ADCY7: variants seen among roughly 807,000 people sequenced by gnomAD.
ADCY7 encodes the protein adenylate cyclase 7.
Under a neutral mutation model 120.6 loss-of-function variants are expected in ADCY7, and 72 were observed. The observed-to-expected ratio is 0.60, with a 90% CI of 0.49 to 0.73. The LOEUF (loss-of-function observed/expected upper bound fraction) is 0.73, where lower values mean the gene tolerates loss of function less well. Among genes scored for constraint, ADCY7 ranks in the 30% least tolerant of loss-of-function variants. The pLI is 0.00. For synonymous variants in ADCY7, 661 were observed against 628.0 expected, an observed-to-expected ratio of 1.05 and a Z score of -0.78; for missense variants, 1,227 against 1,486.0, an observed-to-expected ratio of 0.83 and a Z score of 2.87.
In ADCY7 at chr16:50,308,316, C is replaced by G; in HGVS notation, c.1851-11C>G. Reference sequence around the variant, plus strand: ...CCCTAGGCAGAACTGAGGTTCTTCCCTCCTCTCCAGGACGGCGGCACTGGG... The same window carrying G: ...CCCTAGGCAGAACTGAGGTTCTTCCGTCCTCTCCAGGACGGCGGCACTGGG... On this transcript the variant is annotated splice_polypyrimidine_tract_variant and intron_variant, in intron 15 of 25. Coordinates refer to ENST00000673801, the MANE Select transcript of ADCY7 (RefSeq NM_001114.5). 6.2e-7 allele frequency: 1 copy of G among 1,614,182 alleles called. No homozygotes were observed. The highest frequency in any genetic ancestry group is 8.5e-7 in the Non-Finnish European group (1 of 1,180,036).
intron 11 of ADCY7, 129 bp downstream of exon 11, chr16:50,304,680 C>G: frequency 1.8e-6 from 2 of 1,086,244 alleles, no homozygotes; most frequent in Non-Finnish European, 2.7e-6. Context: ...CAGCCTCTGC[C>G]CCACCTCCTG....
intron 1 of ADCY7, among the ~76,000 whole-genome samples, chr16:50,256,930 AATGG>A (rs1331902990): frequency 1.3e-5 from 2 of 152,194 alleles, no homozygotes; most frequent in African/African-American, 2.4e-5. Context: ...AGTGTCCATT[AATGG>A]ATGAAGAAAA....
At chr16:50,306,323 G>C (rs2036064158) in intron 14 of ADCY7, among the ~76,000 whole-genome samples, 1 of 152,048 alleles carries the variant, frequency 6.6e-6, no homozygotes, top group Admixed American at 6.5e-5. Context: ...CGTCACAACG[G>C]CCAGCCCAGG....
At chr16:50,310,354 G>C in intron 18 of ADCY7, 1 of 1,031,042 alleles carries the variant, frequency 9.7e-7, no homozygotes, top group Non-Finnish European at 1.4e-6. Context: ...GAGCAGGGCA[G>C]AGGTCCTTTG....
At chr16:50,262,488 G>A (rs995070500), upstream of ADCY7, among the ~76,000 whole-genome samples, 17 of 152,096 alleles carry the variant, frequency 1.1e-4, no homozygotes, top group Admixed American at 2.6e-4. Flanking sequence ...CCTCAAGCCC[G>A]GCTAATTTTT....
At chr16:50,283,212 C>T (rs1381935980) in intron 1 of ADCY7, among the ~76,000 whole-genome samples, 1 of 152,216 alleles carries the variant, frequency 6.6e-6, no homozygotes, top group Non-Finnish European at 1.5e-5. Context: ...GAAGCTCAAA[C>T]TGGCTGAAGC....
intron 2 of ADCY7, among the ~76,000 whole-genome samples, chr16:50,288,979 A>C (rs1020700124): frequency 6.6e-6 from 1 of 152,052 alleles, no homozygotes; most frequent in Non-Finnish European, 1.5e-5. Flanking sequence ...ACTTTAATTC[A>C]GTTTTGAAGT....
intron 1 of ADCY7, among the ~76,000 whole-genome samples, chr16:50,257,705 T>C (rs911292356): frequency 1.6e-4 from 24 of 151,306 alleles, no homozygotes; most frequent in African/African-American, 5.8e-4. Flanking sequence ...GTTTTGTAAA[T>C]GTCATATATA....
intron 3 of ADCY7, 92 bp downstream of exon 3, chr16:50,290,752 C>CGCTT: frequency 7.2e-7 from 1 of 1,389,592 alleles, no homozygotes; most frequent in Non-Finnish European, 9.8e-7. Flanking sequence ...TCGTGCCCCA[C>CGCTT]GCTTGGCTGT....
At chr16:50,291,669 G>T in intron 3 of ADCY7, 67 bp from the exon 4 acceptor site, 4 of 1,598,488 alleles carry the variant, frequency 2.5e-6, no homozygotes, top group Non-Finnish European at 3.4e-6. Flanking sequence ...TGTGGTGCAG[G>T]GTTCCGGGGG....
chr16:50,310,135 G>T (rs77527108), intron 18 of ADCY7, among the ~76,000 whole-genome samples: 2,389 of 152,332 alleles, frequency 0.016, 56 homozygotes, highest in African/African-American at 0.053. Flanking sequence ...AAGGCAGAAA[G>T]GTTCTGGGAC....
intron 1 of ADCY7, among the ~76,000 whole-genome samples, chr16:50,248,099 C>T (rs1430881946): frequency 2.0e-5 from 3 of 152,328 alleles, no homozygotes; most frequent in South Asian, 2.1e-4. Context: ...GGGCTGTTCT[C>T]ATGTGTTCTT....
At chr16:50,305,615 C>A (rs55683248) in intron 13 of ADCY7, 29 bp downstream of exon 13, 8 of 1,571,612 alleles carry the variant, frequency 5.1e-6, no homozygotes, top group Middle Eastern at 1.7e-4. Context: ...GTCCACCCCC[C>A]TCTCCTCTCC....
chr16:50,297,174 G>C lies in ADCY7; in HGVS notation c.949-1730G>C, dbSNP rs377206258. Among the ~76,000 whole-genome samples, 1 of 152,362 alleles carries C rather than the reference G, an allele frequency of 6.6e-6. No individual in the cohort carries two copies. The highest frequency in any genetic ancestry group is 1.9e-4 in the East Asian group (1 of 5,184). On this transcript the variant is annotated intron_variant, in intron 7 of 25. Transcript: ENST00000673801. The surrounding 1 kb of genome is among the most constrained non-coding windows in gnomAD (Gnocchi z 4.4). The stretch of plus-strand genomic sequence containing the variant: ...CCCAGTCAGAGCATCTAATCTCTGG[G>C]CAGAGTTGGGCAGGGCTGGTCCCAG...
intron 16 of ADCY7, 74 bp downstream of exon 16, chr16:50,308,485 G>GGTA: frequency 6.2e-7 from 1 of 1,600,154 alleles, no homozygotes; most frequent in South Asian, 1.1e-5. Flanking sequence ...CCTCCCTGGT[G>GGTA]AGCTTGGCTG....
At chr16:50,290,725 G>A (rs1198546648) in intron 3 of ADCY7, 65 bp downstream of exon 3, 1 of 1,548,252 alleles carries the variant, frequency 6.5e-7, no homozygotes, top group African/African-American at 1.4e-5. Context: ...GTGGTTGGTG[G>A]GCATGCCACA....
At chr16:50,248,041 T>C (rs1429741422) in intron 1 of ADCY7, among the ~76,000 whole-genome samples, 1 of 152,114 alleles carries the variant, frequency 6.6e-6, no homozygotes, top group African/African-American at 2.4e-5. Context: ...CCAGTCCCAT[T>C]TGCAGATGAG....
At chr16:50,267,245 T>C (rs911829437) in intron 1 of ADCY7, among the ~76,000 whole-genome samples, 1 of 152,244 alleles carries the variant, frequency 6.6e-6, no homozygotes, top group African/African-American at 2.4e-5. Flanking sequence ...GCATGGGCCA[T>C]CTGGAGTGGG....
At chr16:50,281,439 T>G (rs887536719) in intron 1 of ADCY7, among the ~76,000 whole-genome samples, 1 of 152,044 alleles carries the variant, frequency 6.6e-6, no homozygotes, top group Non-Finnish European at 1.5e-5. Context: ...AGGCCCTTTC[T>G]TCATCTGCCC....
Sources: allele counts gnomAD v4.1 joint callset (sites outside exome capture counted in the v4.1 genomes callset), GRCh38; gene constraint gnomAD v4.1.1; non-coding constraint Gnocchi (gnomAD v3.1); transcripts MANE v1.5; gene names NCBI Gene and HGNC (gene_info 2026-07-23, HGNC 2026-07-21).